The following BAZ2B variants were observed in gnomAD, a reference collection of about 807,000 sequenced individuals.
The protein encoded by BAZ2B is bromodomain adjacent to zinc finger domain protein 2B.
In BAZ2B, 91 loss-of-function variants were observed where a neutral mutation model predicts 246.0. The ratio of observed to expected loss-of-function variants is 0.37; its 90% CI spans 0.31 to 0.44. BAZ2B has a LOEUF of 0.44. Ranked by LOEUF, BAZ2B falls within the 20% of genes least tolerant of loss-of-function variation. The probability of loss-of-function intolerance (pLI) is 1.00; values close to 1 mark genes in which losing one functional copy is unlikely to be tolerated. For missense variants in BAZ2B, 2,332 were observed against 2,533.7 expected, an observed-to-expected ratio of 0.92 and a Z score of 1.71; for synonymous variants, 855 against 860.0, an observed-to-expected ratio of 0.99 and a Z score of 0.10.
chr2:159,506,069 C>G (rs2082297142), intron 2 of BAZ2B, among the ~76,000 whole-genome samples: 1 of 152,148 alleles, frequency 6.6e-6, no homozygotes, highest in Non-Finnish European at 1.5e-5. Context: ...TTCCAAGAGT[C>G]TTCTGCCCCT....
chr2:159,385,773 T>G (rs919564910), intron 22 of BAZ2B, among the ~76,000 whole-genome samples: 8 of 152,114 alleles, frequency 5.3e-5, no homozygotes, highest in African/African-American at 1.9e-4. Flanking sequence ...TGTTATAGGT[T>G]TTACTGGCTG....
At chr2:159,659,298 C>T in the BAZ2B span, among the ~76,000 whole-genome samples, 1 of 152,166 alleles carries the variant, frequency 6.6e-6, no homozygotes, top group African/African-American at 2.4e-5. Flanking sequence ...AGATTTCTAC[C>T]ACTTGCCAAT....
the BAZ2B span, among the ~76,000 whole-genome samples, chr2:159,642,303 T>C: frequency 9.6e-3 from 1,420 of 148,534 alleles, 23 homozygotes; most frequent in African/African-American, 0.034. Context: ...AATAGCACCA[T>C]CTTGGCTCAC....
At chr2:159,324,278 T>C (rs2063134642) in intron 36 of BAZ2B, among the ~76,000 whole-genome samples, 1 of 152,168 alleles carries the variant, frequency 6.6e-6, no homozygotes, top group Admixed American at 6.5e-5. Context: ...AAGCTTTCTC[T>C]CCCGCATTTA....
chr2:159,551,376 G>C (rs1429326200), intron 2 of BAZ2B, among the ~76,000 whole-genome samples: 3 of 151,312 alleles, frequency 2.0e-5, no homozygotes, highest in Non-Finnish European at 4.4e-5. Flanking sequence ...GGCTGAGGCA[G>C]GAGAATGGTG....
At chr2:159,383,395 T>C (rs980007091) in intron 24 of BAZ2B, among the ~76,000 whole-genome samples, 40 of 143,186 alleles carry the variant, frequency 2.8e-4, no homozygotes, top group Non-Finnish European at 5.5e-4. Flanking sequence ...CTTCTAAGTA[T>C]GAAGAATATA....
At chr2:159,645,877 T>C in the BAZ2B span, among the ~76,000 whole-genome samples, 2 of 152,026 alleles carry the variant, frequency 1.3e-5, no homozygotes, top group Non-Finnish European at 2.9e-5. Flanking sequence ...ACAGAGATCA[T>C]GTACTTCACA....
At chr2:159,560,672 C>T (rs900632750) in intron 1 of BAZ2B, among the ~76,000 whole-genome samples, 41 of 151,568 alleles carry the variant, frequency 2.7e-4, no homozygotes, top group African/African-American at 9.5e-4. Flanking sequence ...GGACTACAGG[C>T]GCCCACCACC....
At chr2:159,516,373 T>G (rs1415678821) in intron 2 of BAZ2B, 1 of 152,160 alleles carries the variant, frequency 6.6e-6, no homozygotes, top group Non-Finnish European at 1.5e-5. Context: ...ATTTTTCAGT[T>G]AAAAGGCATG....
At chr2:159,391,072 G>T (rs1005138255) in intron 20 of BAZ2B, among the ~76,000 whole-genome samples, 1 of 152,076 alleles carries the variant, frequency 6.6e-6, no homozygotes, top group Non-Finnish European at 1.5e-5. Flanking sequence ...CTGAAATTTC[G>T]ATTCTTAAAC....
At chr2:159,418,846 A>G (rs2068220113) in intron 13 of BAZ2B, among the ~76,000 whole-genome samples, 1 of 152,104 alleles carries the variant, frequency 6.6e-6, no homozygotes, top group Non-Finnish European at 1.5e-5. Flanking sequence ...AATGTTATGT[A>G]AGTGAATGGA....
chr2:159,346,185 C>T (rs142742174), intron 31 of BAZ2B, among the ~76,000 whole-genome samples: 50 of 152,198 alleles, frequency 3.3e-4, no homozygotes, highest in Non-Finnish European at 4.6e-4. Context: ...TGCTTCCCAA[C>T]GTTGGTAATT....
chr2:159,401,376 AAAT>A (rs2065040096), intron 16 of BAZ2B, among the ~76,000 whole-genome samples: 3 of 152,338 alleles, frequency 2.0e-5, no homozygotes, highest in Admixed American at 2.0e-4. Context: ...GGTCTTGAGC[AAAT>A]AATAACTATT....
At chr2:159,389,627 A>G (rs896533594) in intron 20 of BAZ2B, 142 bp from the exon 21 acceptor site, 2 of 732,842 alleles carry the variant, frequency 2.7e-6, no homozygotes, top group Admixed American at 7.8e-5. Context: ...ATGACTGTAT[A>G]TATTTAATAT....
intron 4 of BAZ2B, among the ~76,000 whole-genome samples, chr2:159,449,035 T>C (rs141011824): frequency 4.1e-4 from 63 of 152,274 alleles, no homozygotes; most frequent in African/African-American, 1.5e-3. Flanking sequence ...ATTAAAGATT[T>C]ATAAAGCCTC....
At chr2:159,607,529 A>G (rs116463680) in intron 1 of BAZ2B, among the ~76,000 whole-genome samples, 123 of 152,296 alleles carry the variant, frequency 8.1e-4, no homozygotes, top group African/African-American at 2.8e-3. Flanking sequence ...TGATTAACCC[A>G]TCTTCTCCAG....
chr2:159,463,091 G>A (rs2076607992), intron 3 of BAZ2B: 2 of 700,310 alleles, frequency 2.9e-6, no homozygotes, highest in African/African-American at 1.8e-5. Context: ...ATGTTATAAT[G>A]GGCAAATGCA....
At chr2:159,335,140 A>G (rs2065409343) in intron 33 of BAZ2B, among the ~76,000 whole-genome samples, 1 of 152,174 alleles carries the variant, frequency 6.6e-6, no homozygotes, top group South Asian at 2.1e-4. Flanking sequence ...CTCACCAAAT[A>G]TATTTGTCTA....
chr2:159,323,032 C>T (rs1246653151), intron 36 of BAZ2B, among the ~76,000 whole-genome samples: 1 of 150,144 alleles, frequency 6.7e-6, no homozygotes, highest in Non-Finnish European at 1.5e-5. Flanking sequence ...ACTCTGTTGC[C>T]CAGGCTGGAG....
Sources: allele counts gnomAD v4.1 joint callset (sites outside exome capture counted in the v4.1 genomes callset), GRCh38; gene constraint gnomAD v4.1.1; transcripts MANE v1.5; gene names NCBI Gene and HGNC (gene_info 2026-07-23, HGNC 2026-07-21).